Variants in DNAAF5 observed in about 807,000 individuals in gnomAD.
The protein encoded by DNAAF5 is dynein axonemal assembly factor 5.
In DNAAF5, 64 loss-of-function variants were observed where a neutral mutation model predicts 75.8. The ratio of observed to expected loss-of-function variants is 0.84; its 90% CI spans 0.69 to 1.04. The LOEUF is 1.04. DNAAF5 is among the 50% of genes least tolerant of loss of function. The pLI is 0.00. For missense variants in DNAAF5, 1,269 were observed against 1,178.5 expected (o/e 1.08, Z -1.12); for synonymous variants, 657 against 557.2 (o/e 1.18, Z -2.52).
chr7:761,635 C>A, intron 6 of DNAAF5, 118 bp from the exon 7 acceptor site: 1 of 1,078,058 alleles, frequency 9.3e-7, no homozygotes. Context: ...TCAGTTCCCT[C>A]CCACAGGGTC....
intron 10 of DNAAF5, 24 bp downstream of exon 10, chr7:774,222 G>A (rs1778677423): frequency 1.3e-6 from 2 of 1,587,668 alleles, no homozygotes; most frequent in Non-Finnish European, 1.7e-6. Flanking sequence ...TGCGTGCTCG[G>A]TGGACACCGG....
intron 5 of DNAAF5, among the ~76,000 whole-genome samples, chr7:755,225 G>T (rs146273772): frequency 6.6e-6 from 1 of 152,318 alleles, no homozygotes; most frequent in South Asian, 2.1e-4. Context: ...GGAGCACCCA[G>T]ACGGGGGATG....
At chr7:730,723 G>A (rs1365564889) in intron 2 of DNAAF5, among the ~76,000 whole-genome samples, 3 of 152,180 alleles carry the variant, frequency 2.0e-5, no homozygotes, top group Admixed American at 6.5e-5. Context: ...TTCATTCTCC[G>A]GCTCTCTCCC....
chr7:754,632 C>T lies in DNAAF5; in HGVS notation c.1068C>T (p.Asn356=). 6.2e-7 allele frequency: 1 copy of T among 1,614,168 alleles called. No individual in the cohort carries two copies. ...VLGCRELVFR[N]LSKILPALCH... Reference sequence around the variant, plus strand: ...GCTGCCGGGAGCTCGTCTTCAGGAACCTCTCCAAGATCCTCCCTGCCCTGT... The same window carrying T: ...GCTGCCGGGAGCTCGTCTTCAGGAATCTCTCCAAGATCCTCCCTGCCCTGT... Residue 356 remains asparagine (N), a synonymous_variant, in exon 5 of 13, where the codon AAC becomes AAT. Coordinates refer to ENST00000297440, the MANE Select transcript of DNAAF5 (RefSeq NM_017802.4). The surrounding 1 kb of genome is among the most constrained non-coding windows in gnomAD (Gnocchi z 4.8).
At chr7:729,170 C>T (rs113245309) in intron 1 of DNAAF5, among the ~76,000 whole-genome samples, 1 of 152,074 alleles carries the variant, frequency 6.6e-6, no homozygotes, top group Non-Finnish European at 1.5e-5. Context: ...TGACTTTCTG[C>T]GGGGACTTTA....
At chr7:731,418 C>T (rs1583473535) in intron 2 of DNAAF5, among the ~76,000 whole-genome samples, 1 of 152,206 alleles carries the variant, frequency 6.6e-6, no homozygotes, top group Non-Finnish European at 1.5e-5. Context: ...CGGTGTAACT[C>T]AGTATAACTA....
intron 4 of DNAAF5, among the ~76,000 whole-genome samples, chr7:746,876 C>G (rs1208753895): frequency 1.3e-5 from 2 of 152,218 alleles, no homozygotes; most frequent in Non-Finnish European, 2.9e-5. Context: ...TGTGTCCCTT[C>G]CAGGATGTCA....
chr7:744,043 C>G (rs925343040), intron 4 of DNAAF5, among the ~76,000 whole-genome samples: 1 of 151,684 alleles, frequency 6.6e-6, no homozygotes, highest in Non-Finnish European at 1.5e-5. Flanking sequence ...CACCCATTAA[C>G]TCGTCATTTA....
chr7:764,538 C>T (rs62432254), intron 8 of DNAAF5, among the ~76,000 whole-genome samples: 120,046 of 152,198 alleles, frequency 0.79, 47,527 homozygotes, highest in South Asian at 0.86. Context: ...GTGAACTCGC[C>T]GCGGTAGCTC....
intron 12 of DNAAF5, among the ~76,000 whole-genome samples, chr7:781,488 G>A (rs1474149006): frequency 2.0e-5 from 3 of 152,204 alleles, no homozygotes; most frequent in African/African-American, 4.8e-5. Flanking sequence ...GCGTGCGCGT[G>A]CAGCTCTCCC....
intron 10 of DNAAF5, among the ~76,000 whole-genome samples, 170 bp downstream of exon 10, chr7:774,368 G>T (rs1309078784): frequency 6.6e-6 from 1 of 152,214 alleles, no homozygotes; most frequent in African/African-American, 2.4e-5. Flanking sequence ...GGCAGGAGCC[G>T]GCGGCCGGGC....
intron 6 of DNAAF5, among the ~76,000 whole-genome samples, chr7:759,566 G>C (rs899108685): frequency 5.3e-5 from 8 of 152,326 alleles, no homozygotes; most frequent in Admixed American, 4.6e-4. Flanking sequence ...AGAAAACAAT[G>C]TTTGAAATAG....
At chr7:743,859 G>C (rs1781998723) in intron 4 of DNAAF5, among the ~76,000 whole-genome samples, 1 of 149,800 alleles carries the variant, frequency 6.7e-6, no homozygotes, top group Non-Finnish European at 1.5e-5. Flanking sequence ...GTTTCAATAG[G>C]TTTTTGGTGA....
At chr7:757,061 T>C in intron 6 of DNAAF5, 67 bp downstream of exon 6, 1 of 1,452,742 alleles carries the variant, frequency 6.9e-7, no homozygotes, top group East Asian at 2.4e-5. Context: ...TCAGCCATCG[T>C]AATGACATGT....
In DNAAF5 at chr7:745,260, A is replaced by G. The variant is rs899860098; in HGVS notation, c.1024+3795A>G. On this transcript the variant is annotated intron_variant, in intron 4 of 12. Coordinates refer to ENST00000297440, the MANE Select transcript of DNAAF5 (RefSeq NM_017802.4). ...CTGAGAAACCAGTGGAAGACCCTTC[A>G]GGTGTCAGTGGGGCAGGAATGGCAG... 3.9e-5 allele frequency among the ~76,000 whole-genome samples: 6 copies of G among 152,324 alleles called. No homozygotes were observed. In the South Asian group the frequency reaches 6.2e-4, roughly 16 times the overall value.
intron 12 of DNAAF5, among the ~76,000 whole-genome samples, chr7:783,708 G>A (rs1779055862): frequency 6.6e-6 from 1 of 152,162 alleles, no homozygotes; most frequent in African/African-American, 2.4e-5. Context: ...CCAGATCCAC[G>A]CAACGCCCCC....
chr7:763,506 C>T (rs146440564), intron 7 of DNAAF5, among the ~76,000 whole-genome samples: 249 of 152,364 alleles, frequency 1.6e-3, no homozygotes, highest in African/African-American at 5.8e-3. Context: ...GCGGACACCA[C>T]GTCCGTGTAA....
chr7:757,102 C>T, intron 6 of DNAAF5, 108 bp downstream of exon 6: 1 of 1,096,932 alleles, frequency 9.1e-7, no homozygotes, highest in Non-Finnish European at 1.3e-6. Flanking sequence ...CCAGGCTGGG[C>T]TGTCGGAAGC....
chr7:775,825 T>C (rs1003983049), intron 11 of DNAAF5, among the ~76,000 whole-genome samples: 1 of 151,470 alleles, frequency 6.6e-6, no homozygotes, highest in African/African-American at 2.4e-5. Context: ...GGAAGCGTCG[T>C]GTGGATGTTA....
Sources: allele counts gnomAD v4.1 joint callset (sites outside exome capture counted in the v4.1 genomes callset), GRCh38; gene constraint gnomAD v4.1.1; non-coding constraint Gnocchi (gnomAD v3.1); transcripts MANE v1.5; gene names NCBI Gene and HGNC (gene_info 2026-07-23, HGNC 2026-07-21).